TIAM1: variants seen among roughly 807,000 people sequenced by gnomAD.
The protein encoded by TIAM1 is TIAM Rac1 associated GEF 1.
TIAM1 carries 65 observed loss-of-function variants against 163.5 expected under a neutral mutation model. That is an observed-to-expected ratio of 0.40 (90% CI 0.33 to 0.49). TIAM1 has a LOEUF of 0.49. Ranked by LOEUF, TIAM1 falls within the 20% of genes least tolerant of loss-of-function variation. The pLI is 0.77. For synonymous variants in TIAM1, 833 were observed against 810.1 expected, an observed-to-expected ratio of 1.03 and a Z score of -0.48; for missense variants, 1,789 against 2,044.7, an observed-to-expected ratio of 0.87 and a Z score of 2.41.
At chr21:31,384,195 A>G (rs1039490810) in intron 2 of TIAM1, among the ~76,000 whole-genome samples, 3 of 152,064 alleles carry the variant, frequency 2.0e-5, no homozygotes, top group African/African-American at 7.2e-5. Context: ...GGCAATTAAG[A>G]TACTCAAGGA....
intron 12 of TIAM1, among the ~76,000 whole-genome samples, chr21:31,196,478 A>ATTT (rs59358430): frequency 3.8e-5 from 5 of 133,092 alleles, no homozygotes; most frequent in East Asian, 2.2e-4. Context: ...CATCTGGCTA[A>ATTT]TTTTTTTTTT....
chr21:31,474,064 A>C (rs370529115), intron 1 of TIAM1, among the ~76,000 whole-genome samples: 2 of 152,270 alleles, frequency 1.3e-5, no homozygotes, highest in East Asian at 3.9e-4. Context: ...AGAGAGCGCA[A>C]GAGAGAGAAG....
chr21:31,515,136 C>T (rs1457043350), intron 1 of TIAM1, among the ~76,000 whole-genome samples: 3 of 152,152 alleles, frequency 2.0e-5, no homozygotes, highest in African/African-American at 7.2e-5. Flanking sequence ...TTGTTATCCA[C>T]CTTTTACCTT....
intron 2 of TIAM1, among the ~76,000 whole-genome samples, chr21:31,303,700 G>C (rs555025343): frequency 6.6e-6 from 1 of 152,112 alleles, no homozygotes; most frequent in Non-Finnish European, 1.5e-5. Flanking sequence ...AAAAGTGGTC[G>C]GGCATGGTGG....
intron 1 of TIAM1, among the ~76,000 whole-genome samples, chr21:31,484,028 A>G (rs1262005904): frequency 6.6e-6 from 1 of 152,152 alleles, no homozygotes; most frequent in Non-Finnish European, 1.5e-5. Context: ...CATGTATGGG[A>G]TTAGTGCTCT....
chr21:31,122,323 G>C (rs1405420625), intron 27 of TIAM1, among the ~76,000 whole-genome samples: 1 of 152,136 alleles, frequency 6.6e-6, no homozygotes, highest in Non-Finnish European at 1.5e-5. Context: ...AAAAATTCTT[G>C]TTCACTTTTA....
At position 31,451,756 on chromosome 21, in the gene TIAM1, TGTGTGA is replaced by T. The variant is rs1212326653; in HGVS notation, c.-369+12221_-369+12226del. On this transcript the variant is annotated intron_variant, in intron 2 of 28. Transcript: ENST00000286827. ...GTGTGTGTGTGTGTGTGTGTGTGTG[TGTGTGA>T]GACACAGAGAGAGAGAGAGAGAGAG... is the stretch of plus-strand genomic sequence containing the variant. 9.3e-3 allele frequency among the ~76,000 whole-genome samples: 1,102 copies of T among 118,976 alleles called. 17 individuals carry two copies. Among genetic ancestry groups the T allele is most frequent in the African/African-American group, 0.033 (1,024 of 30,848 alleles). The allele number at this position is 118,976 out of a possible 152,430, so 78.1% of individuals were successfully genotyped here. A position where few individuals can be genotyped will look rare whatever the true frequency, so the allele number is the denominator to read the frequency against.
rs182963349 is a variant in TIAM1 at position 31,326,886 on chromosome 21, C to T, written c.-189+12357G>A. The stretch of plus-strand genomic sequence containing the variant: ...TTATTATTATTTTGTTCAAAGTAGA[C>T]GGGTATACTAACATCTGTGGGCAAG... On this transcript the variant is annotated intron_variant, in intron 2 of 27. Coordinates refer to ENST00000541036, the MANE Select transcript of TIAM1 (RefSeq NM_001353694.2). Among the ~76,000 whole-genome samples the T allele has an allele frequency of 1.9e-3, 282 of 152,248 alleles. 6 individuals are homozygous for T. In the South Asian group the frequency reaches 0.03, roughly 16 times the overall value.
At chr21:31,248,188 T>G (rs1325933718) in intron 5 of TIAM1, among the ~76,000 whole-genome samples, 4 of 152,112 alleles carry the variant, frequency 2.6e-5, no homozygotes, top group African/African-American at 9.7e-5. Flanking sequence ...ATTCCTAACA[T>G]AAAAGGAGCA....
intron 2 of TIAM1, among the ~76,000 whole-genome samples, chr21:31,325,170 C>A (rs923599153): frequency 6.6e-6 from 1 of 151,552 alleles, no homozygotes; most frequent in Non-Finnish European, 1.5e-5. Flanking sequence ...CGTAGTCCCA[C>A]CTACTCAGGA....
intron 2 of TIAM1, among the ~76,000 whole-genome samples, chr21:31,416,644 C>T (rs1294129274): frequency 1.3e-5 from 2 of 152,218 alleles, no homozygotes; most frequent in Non-Finnish European, 2.9e-5. Context: ...GCGCAACAGA[C>T]ATGATTTCAT....
At chr21:31,411,555 A>C (rs985447418) in intron 2 of TIAM1, among the ~76,000 whole-genome samples, 1 of 149,162 alleles carries the variant, frequency 6.7e-6, no homozygotes, top group Non-Finnish European at 1.5e-5. Context: ...GGCTCACTGC[A>C]ACCTCTGCCT....
At position 31,556,600 on chromosome 21, in the gene TIAM1, T is replaced by C. The variant is rs111598275; in HGVS notation, c.-422+2327A>G. Among the ~76,000 whole-genome samples, 394 of 142,846 alleles carry C rather than the reference T, an allele frequency of 2.8e-3. 2 individuals are homozygous for C. The highest frequency in any genetic ancestry group is 3.6e-3 in the Non-Finnish European group (224 of 62,602). 93.7% of individuals were successfully genotyped at this position (142,846 alleles called of 152,430 possible). A position where few individuals can be genotyped will look rare whatever the true frequency, so the allele number is the denominator to read the frequency against. On this transcript the variant is annotated intron_variant, in intron 1 of 28. Coordinates refer to the TIAM1 transcript ENST00000286827. ...ATCATCTGATCTGATTATGGACTGTTATTATTTTGTGTTGTTTATTTCTAT... is the reference window on the plus strand; with the variant it reads ...ATCATCTGATCTGATTATGGACTGTCATTATTTTGTGTTGTTTATTTCTAT...
At chr21:31,404,557 A>G (rs1214043438) in intron 2 of TIAM1, among the ~76,000 whole-genome samples, 1 of 145,812 alleles carries the variant, frequency 6.9e-6, no homozygotes, top group Non-Finnish European at 1.5e-5. Flanking sequence ...TTTTTAAGAG[A>G]TGGGTCTCTT....
intron 11 of TIAM1, among the ~76,000 whole-genome samples, chr21:31,209,563 C>T (rs1319041237): frequency 2.0e-5 from 3 of 152,194 alleles, no homozygotes; most frequent in Admixed American, 1.3e-4. Context: ...TCTAAAGATG[C>T]CCATAGTGTA....
At chr21:31,478,498 C>G (rs1424712546) in intron 1 of TIAM1, among the ~76,000 whole-genome samples, 1 of 152,122 alleles carries the variant, frequency 6.6e-6, no homozygotes, top group Non-Finnish European at 1.5e-5. Flanking sequence ...CATATCCTGG[C>G]GACTTGCTTT....
At chr21:31,358,197 C>T (rs1357365167) in intron 2 of TIAM1, among the ~76,000 whole-genome samples, 1 of 152,178 alleles carries the variant, frequency 6.6e-6, no homozygotes, top group Admixed American at 6.5e-5. Flanking sequence ...GGATAAAGGA[C>T]TGGTCATATC....
intron 2 of TIAM1, among the ~76,000 whole-genome samples, chr21:31,292,878 A>G (rs887552575): frequency 1.3e-5 from 2 of 151,916 alleles, no homozygotes; most frequent in Admixed American, 6.6e-5. Context: ...CATGTTGGCC[A>G]GGCTGGTCTC....
intron 8 of TIAM1, among the ~76,000 whole-genome samples, chr21:31,218,562 C>G (rs539105865): frequency 3.5e-5 from 5 of 143,540 alleles, no homozygotes; most frequent in Admixed American, 6.7e-5. Flanking sequence ...GAACGAGACT[C>G]TTTCTCAAAA....
Sources: gnomAD v4.1 joint callset for allele counts (sites outside exome capture counted in the v4.1 genomes callset) on GRCh38, gnomAD v4.1.1 for gene constraint, MANE v1.5 for transcripts, NCBI Gene and HGNC (gene_info 2026-07-23, HGNC 2026-07-21) for gene names.